The following EXT1 variants were observed in gnomAD, a reference collection of about 807,000 sequenced individuals.
EXT1 encodes the protein exostosin glycosyltransferase 1, also known as exostosin-1.
Under a neutral mutation model 82.5 loss-of-function variants are expected in EXT1, and 20 were observed. The observed-to-expected ratio is 0.24, with a 90% CI of 0.17 to 0.35. EXT1 has a LOEUF of 0.35. Ranked by LOEUF, EXT1 falls within the 10% of genes least tolerant of loss-of-function variation. EXT1 has a pLI of 1.00. For synonymous variants in EXT1, 348 were observed against 350.8 expected (o/e 0.99, Z 0.09); for missense variants, 757 against 936.5 (o/e 0.81, Z 2.50).
intron 1 of EXT1, among the ~76,000 whole-genome samples, chr8:117,948,590 T>C (rs1211391322): frequency 1.3e-5 from 2 of 152,224 alleles, no homozygotes; most frequent in Non-Finnish European, 2.9e-5. Flanking sequence ...TCTGTAAAGT[T>C]GAAATTTGTA....
intron 1 of EXT1, among the ~76,000 whole-genome samples, chr8:117,984,943 A>G (rs1183358949): frequency 6.6e-6 from 1 of 152,188 alleles, no homozygotes; most frequent in African/African-American, 2.4e-5. Context: ...TAACACAGTC[A>G]GGAACGCTAC....
chr8:117,953,889 G>A (rs1013084048), intron 1 of EXT1, among the ~76,000 whole-genome samples: 28 of 151,832 alleles, frequency 1.8e-4, no homozygotes, highest in African/African-American at 6.8e-4. Context: ...CAGCCTGGGG[G>A]ACAGAGCAAG....
At chr8:118,002,099 T>C (rs1815678498) in intron 1 of EXT1, among the ~76,000 whole-genome samples, 2 of 152,114 alleles carry the variant, frequency 1.3e-5, no homozygotes, top group African/African-American at 4.8e-5. Flanking sequence ...ATAGGAAAGT[T>C]TTAATGGTGA....
chr8:118,027,312 TTCAC>T (rs1285455404), intron 1 of EXT1, among the ~76,000 whole-genome samples: 1 of 106,982 alleles, frequency 9.3e-6, no homozygotes, highest in East Asian at 2.5e-4. Flanking sequence ...ATCAGTTTCT[TTCAC>T]ACACACACAC....
chr8:118,090,042 G>A (rs1033407448), intron 1 of EXT1, among the ~76,000 whole-genome samples: 6 of 152,200 alleles, frequency 3.9e-5, no homozygotes, highest in Admixed American at 3.9e-4. Flanking sequence ...AGGAAAAAGA[G>A]GTGTATAAAA....
intron 1 of EXT1, among the ~76,000 whole-genome samples, chr8:118,013,554 G>A (rs367726349): frequency 4.4e-4 from 67 of 152,250 alleles, no homozygotes; most frequent in Admixed American, 3.9e-3. Context: ...TTCCCCAAGA[G>A]GACAGCAGAG....
intron 1 of EXT1, among the ~76,000 whole-genome samples, chr8:117,870,469 C>T (rs1050309718): frequency 2.0e-5 from 3 of 149,800 alleles, no homozygotes; most frequent in East Asian, 1.9e-4. Flanking sequence ...AGTGTATCAA[C>T]GGGCATTAAG....
intron 1 of EXT1, among the ~76,000 whole-genome samples, chr8:118,109,325 A>G (rs1817848798): frequency 6.6e-6 from 1 of 150,880 alleles, no homozygotes; most frequent in South Asian, 2.1e-4. Flanking sequence ...TAAATTAGCA[A>G]CTGGAGTTTA....
chr8:118,064,303 A>G, intron 1 of EXT1, among the ~76,000 whole-genome samples: 1 of 151,904 alleles, frequency 6.6e-6, no homozygotes, highest in East Asian at 1.9e-4. Context: ...TACATTAGGT[A>G]TTTCTCCTAA....
In EXT1 at chr8:117,805,026, T is replaced by A. The variant is rs932597802; in HGVS notation, c.1884-133A>T. 13 of 804,892 alleles carry A rather than the reference T, an allele frequency of 1.6e-5. No homozygotes were observed. In the East Asian group the frequency reaches 3.0e-4, roughly 19 times the overall value. The allele number at this position is 804,892 out of a possible 1,614,324, so 49.9% of individuals were successfully genotyped here. A position where few individuals can be genotyped will look rare whatever the true frequency, so the allele number is the denominator to read the frequency against. ...TGAATGGTAATGATAATGATGATGATGATGACGATAACTATCACTTCTATG... is the reference window on the plus strand; with the variant it reads ...TGAATGGTAATGATAATGATGATGAAGATGACGATAACTATCACTTCTATG... On this transcript the variant is annotated intron_variant, in intron 9 of 10. Transcript: ENST00000378204.
chr8:117,814,650 T>A (rs17450459), intron 7 of EXT1, among the ~76,000 whole-genome samples: 1 of 152,284 alleles, frequency 6.6e-6, no homozygotes, highest in East Asian at 1.9e-4. Context: ...ATGCCAATCA[T>A]ATGCTCATCA....
At chr8:118,084,251 G>C (rs1817381667) in intron 1 of EXT1, among the ~76,000 whole-genome samples, 1 of 152,142 alleles carries the variant, frequency 6.6e-6, no homozygotes, top group Non-Finnish European at 1.5e-5. Flanking sequence ...AAGATGCAAG[G>C]AACTCTCCCA....
At chr8:118,079,989 C>T (rs1245305852) in intron 1 of EXT1, among the ~76,000 whole-genome samples, 1 of 152,150 alleles carries the variant, frequency 6.6e-6, no homozygotes, top group Admixed American at 6.5e-5. Context: ...GAGTCATTCC[C>T]TTATTCAATA....
intron 1 of EXT1, 92 bp downstream of exon 1, chr8:118,109,992 TC>T: frequency 6.3e-7 from 1 of 1,596,204 alleles, no homozygotes. Flanking sequence ...TGAGGGCTCA[TC>T]CGCCCTCACC....
rs538858869 is a variant in EXT1 at position 118,064,115 on chromosome 8, C to T, written c.962+45970G>A. On this transcript the variant is annotated intron_variant, in intron 1 of 10. Coordinates refer to ENST00000378204, the MANE Select transcript of EXT1 (RefSeq NM_000127.3). ...CTGACCTTAGGTGATCCATCCGCCT[C>T]GGCCTCTGAAAGTACTGGGATTACA... 7.9e-5 allele frequency among the ~76,000 whole-genome samples: 12 copies of T among 152,298 alleles called. No individual in the cohort carries two copies. In the South Asian group the frequency reaches 1.2e-3, roughly 16 times the overall value.
At chr8:118,062,527 C>T (rs559786619) in intron 1 of EXT1, among the ~76,000 whole-genome samples, 2 of 152,234 alleles carry the variant, frequency 1.3e-5, no homozygotes, top group African/African-American at 4.8e-5. Flanking sequence ...AAGAGTATCA[C>T]CAGCTTGTGA....
At chr8:117,849,829 T>A (rs1214524058) in intron 1 of EXT1, among the ~76,000 whole-genome samples, 1 of 152,254 alleles carries the variant, frequency 6.6e-6, no homozygotes, top group African/African-American at 2.4e-5. Context: ...ATGCAGAAGA[T>A]GTCAAAGGCC....
intron 1 of EXT1, among the ~76,000 whole-genome samples, chr8:118,084,173 A>G (rs1175014477): frequency 6.6e-6 from 1 of 152,182 alleles, no homozygotes; most frequent in African/African-American, 2.4e-5. Flanking sequence ...GAGATTCAAG[A>G]TCCTCAACTA....
At chr8:117,924,792 G>A (rs968881225) in intron 1 of EXT1, among the ~76,000 whole-genome samples, 2 of 152,100 alleles carry the variant, frequency 1.3e-5, no homozygotes, top group African/African-American at 2.4e-5. Flanking sequence ...TCCCCATATT[G>A]GAGTCTGCCA....
Sources: allele counts gnomAD v4.1 joint callset (sites outside exome capture counted in the v4.1 genomes callset), GRCh38; gene constraint gnomAD v4.1.1; transcripts MANE v1.5; gene names NCBI Gene and HGNC (gene_info 2026-07-23, HGNC 2026-07-21).